The following COP1 variants were observed in gnomAD, a reference collection of about 807,000 sequenced individuals.
COP1 encodes E3 ubiquitin-protein ligase COP1.
Under a neutral mutation model 101.3 loss-of-function variants are expected in COP1, and 24 were observed. The observed-to-expected ratio is 0.24, with a 90% CI of 0.17 to 0.33. The LOEUF (loss-of-function observed/expected upper bound fraction) is 0.33, where lower values mean the gene tolerates loss of function less well. Among genes scored for constraint, COP1 ranks in the 10% least tolerant of loss-of-function variants. The pLI is 1.00. For synonymous variants in COP1, 347 were observed against 341.9 expected, an observed-to-expected ratio of 1.01 and a Z score of -0.17; for missense variants, 663 against 906.2, an observed-to-expected ratio of 0.73 and a Z score of 3.45.
rs1384514488 is a variant in COP1 at position 175,995,912 on chromosome 1, C to G, written c.1730-6433G>C. On this transcript the variant is annotated intron_variant, in intron 15 of 19. Coordinates refer to ENST00000367669, the MANE Select transcript of COP1 (RefSeq NM_022457.7). ...ACTCATTTTATGAGGCCAGCATCAT[C>G]CTGATACCAAAGCCTGGCAGAGACA... Among the ~76,000 whole-genome samples, 699 of 151,578 alleles carry G rather than the reference C, an allele frequency of 4.6e-3. 3 individuals are homozygous for G. Among genetic ancestry groups the G allele is most frequent in the Middle Eastern group, 0.024 (7 of 286 alleles).
intron 9 of COP1, among the ~76,000 whole-genome samples, chr1:176,096,038 C>T (rs1333552834): frequency 3.3e-5 from 5 of 152,056 alleles, no homozygotes; most frequent in African/African-American, 9.7e-5. Flanking sequence ...CTTTGCTGAG[C>T]GTTATTTTTC....
intron 6 of COP1, among the ~76,000 whole-genome samples, chr1:176,143,659 T>C (rs1235930241): frequency 2.0e-5 from 3 of 152,010 alleles, no homozygotes; most frequent in East Asian, 1.9e-4. Flanking sequence ...GTTTGGTTTA[T>C]ATAAGGGGTG....
intron 18 of COP1, among the ~76,000 whole-genome samples, chr1:175,953,109 A>C (rs1650157765): frequency 6.6e-6 from 1 of 152,208 alleles, no homozygotes; most frequent in African/African-American, 2.4e-5. Flanking sequence ...ACAAATAATA[A>C]AAGGGGAGAA....
chr1:175,984,475 G>C (rs1656626360), intron 18 of COP1, among the ~76,000 whole-genome samples: 1 of 152,214 alleles, frequency 6.6e-6, no homozygotes, highest in African/African-American at 2.4e-5. Flanking sequence ...TTTGCTGCAA[G>C]GGTGGGCCCC....
chr1:175,984,817 G>C lies in COP1; in HGVS notation c.2133+2126C>G, dbSNP rs1416300057. Reference sequence around the variant, plus strand: ...AGATCATTTTGGAACTTTAAGATTTGACTGCCCTGTTGGATTTTGGACTTA... The same window carrying C: ...AGATCATTTTGGAACTTTAAGATTTCACTGCCCTGTTGGATTTTGGACTTA... On this transcript the variant is annotated intron_variant, in intron 18 of 19. Coordinates refer to ENST00000367669, the MANE Select transcript of COP1 (RefSeq NM_022457.7). Among the ~76,000 whole-genome samples, 13 of 152,176 alleles carry C rather than the reference G, an allele frequency of 8.5e-5. 1 individual carries two copies. The highest frequency in any genetic ancestry group is 8.5e-4 in the Admixed American group (13 of 15,288).
At chr1:176,152,927 T>C (rs961994930) in intron 5 of COP1, among the ~76,000 whole-genome samples, 5 of 152,180 alleles carry the variant, frequency 3.3e-5, no homozygotes, top group African/African-American at 1.2e-4. Flanking sequence ...TCCTTAAATC[T>C]ACTGTCAACA....
chr1:176,090,813 GAA>G (rs1174642926), intron 9 of COP1, among the ~76,000 whole-genome samples: 4 of 152,126 alleles, frequency 2.6e-5, no homozygotes, highest in African/African-American at 9.7e-5. Flanking sequence ...AAAAGACCAA[GAA>G]ACTAAAGAAG....
At chr1:176,170,416 C>T (rs1407453526) in intron 3 of COP1, among the ~76,000 whole-genome samples, 1 of 152,192 alleles carries the variant, frequency 6.6e-6, no homozygotes, top group Non-Finnish European at 1.5e-5. Flanking sequence ...GATTTATGGG[C>T]TACAGAATGG....
intron 18 of COP1, chr1:175,968,453 C>G (rs1226883581): frequency 1.9e-6 from 1 of 519,094 alleles, no homozygotes; most frequent in Non-Finnish European, 3.8e-6. Flanking sequence ...AGACAGAGAC[C>G]TCCATATATT....
At chr1:176,051,837 G>A (rs1015177544) in intron 11 of COP1, among the ~76,000 whole-genome samples, 3 of 151,876 alleles carry the variant, frequency 2.0e-5, no homozygotes, top group African/African-American at 7.3e-5. Flanking sequence ...AATAGAAAAG[G>A]GTATGAAGAA....
intron 9 of COP1, among the ~76,000 whole-genome samples, chr1:176,096,818 T>C (rs1194837610): frequency 6.6e-6 from 1 of 152,236 alleles, no homozygotes; most frequent in Non-Finnish European, 1.5e-5. Flanking sequence ...ACTTTCTGTA[T>C]GGTAAGTAGC....
intron 6 of COP1, among the ~76,000 whole-genome samples, chr1:176,139,035 A>G (rs1460142881): frequency 2.0e-5 from 3 of 152,196 alleles, no homozygotes; most frequent in Non-Finnish European, 4.4e-5. Context: ...AGTATCTGAC[A>G]AAAGTCTAAT....
intron 8 of COP1, among the ~76,000 whole-genome samples, chr1:176,124,147 G>T (rs986481718): frequency 2.0e-5 from 3 of 151,816 alleles, no homozygotes; most frequent in Admixed American, 1.3e-4. Flanking sequence ...TATACAGCAG[G>T]TGTATATACT....
At chr1:176,034,182 A>C (rs1040682960) in intron 14 of COP1, among the ~76,000 whole-genome samples, 17 of 152,230 alleles carry the variant, frequency 1.1e-4, no homozygotes, top group African/African-American at 4.1e-4. Flanking sequence ...CGGGATGAAG[A>C]GTACCATTTT....
chr1:175,965,651 C>A lies in COP1; in HGVS notation c.2134-18412G>T, dbSNP rs185627669. ...TCGCTCAGGCTGGACTGCAGTGGTG[C>A]AGTCTCGGCTCACTGCAACCTCCGC... On this transcript the variant is annotated intron_variant, in intron 18 of 19. Transcript: ENST00000367669. 6.3e-3 allele frequency among the ~76,000 whole-genome samples: 954 copies of A among 151,848 alleles called. 11 individuals are homozygous for A. The highest frequency in any genetic ancestry group is 0.022 in the African/African-American group (903 of 41,384).
chr1:176,165,397 T>TGG (rs1553302053), intron 3 of COP1, among the ~76,000 whole-genome samples: 1 of 146,048 alleles, frequency 6.8e-6, no homozygotes, highest in East Asian at 2.1e-4. Context: ...TGTGTGTGTG[T>TGG]GTGTGTGTGT....
intron 11 of COP1, among the ~76,000 whole-genome samples, chr1:176,065,560 A>G (rs1440343981): frequency 6.6e-6 from 1 of 152,194 alleles, no homozygotes; most frequent in Non-Finnish European, 1.5e-5. Context: ...TGCCATAAAA[A>G]TTCTTTTGAG....
At chr1:175,954,682 T>C (rs1158660617) in intron 18 of COP1, among the ~76,000 whole-genome samples, 3 of 152,084 alleles carry the variant, frequency 2.0e-5, no homozygotes, top group Admixed American at 6.5e-5. Flanking sequence ...TTCCCAATTA[T>C]GACAGAAGAA....
At chr1:176,009,877 T>TGGA (rs1553217403) in intron 15 of COP1, among the ~76,000 whole-genome samples, 1 of 103,634 alleles carries the variant, frequency 9.6e-6, no homozygotes, top group African/African-American at 4.1e-5. Context: ...TTAGGTTACT[T>TGGA]GGGGGGGGGG....
Sources: gnomAD v4.1 joint callset for allele counts (sites outside exome capture counted in the v4.1 genomes callset) on GRCh38, gnomAD v4.1.1 for gene constraint, MANE v1.5 for transcripts, NCBI Gene and HGNC (gene_info 2026-07-23, HGNC 2026-07-21) for gene names.